PCDH15: variants seen among roughly 807,000 people sequenced by gnomAD.
PCDH15 encodes protocadherin related 15, also known as protocadherin-15.
In PCDH15, 129 loss-of-function variants were observed where a neutral mutation model predicts 178.5. The ratio of observed to expected loss-of-function variants is 0.72; its 90% CI spans 0.63 to 0.84. PCDH15 has a LOEUF of 0.84. Ranked by LOEUF, PCDH15 falls within the 40% of genes least tolerant of loss-of-function variation. The pLI is 0.00. For synonymous variants in PCDH15, 800 were observed against 732.0 expected, an observed-to-expected ratio of 1.09 and a Z score of -1.50; for missense variants, 2,230 against 2,099.9, an observed-to-expected ratio of 1.06 and a Z score of -1.21.
chr10:54,079,317 G>A lies in PCDH15; in HGVS notation c.2091+14C>T, dbSNP rs1326899760. On this transcript the variant is annotated intron_variant, in intron 17 of 37. Coordinates refer to ENST00000644397, the MANE Select transcript of PCDH15 (RefSeq NM_001384140.1). ...ATACTATTTTTAAAACCCCTTCACAGGGAGCATACTCACCCCATCTGGCCT... is the reference window on the plus strand; with the variant it reads ...ATACTATTTTTAAAACCCCTTCACAAGGAGCATACTCACCCCATCTGGCCT... 21 of 1,611,656 alleles carry A rather than the reference G, an allele frequency of 1.3e-5. No individual in the cohort carries two copies. Among genetic ancestry groups the A allele is most frequent in the South Asian group, 1.2e-4 (11 of 91,030 alleles).
intron 3 of PCDH15, among the ~76,000 whole-genome samples, chr10:54,893,835 A>G (rs1954505021): frequency 6.6e-6 from 1 of 152,106 alleles, no homozygotes; most frequent in South Asian, 2.1e-4. Context: ...CTTGTTCTTC[A>G]CAGGTTCTTA....
intron 3 of PCDH15, among the ~76,000 whole-genome samples, chr10:54,467,773 T>C (rs1022738289): frequency 1.3e-5 from 2 of 151,798 alleles, no homozygotes; most frequent in African/African-American, 4.8e-5. Context: ...ATTTGGTCAA[T>C]TTGTCAGTGA....
intron 2 of PCDH15, among the ~76,000 whole-genome samples, chr10:54,656,498 G>C (rs531187904): frequency 6.6e-6 from 1 of 152,010 alleles, no homozygotes; most frequent in African/African-American, 2.4e-5. Flanking sequence ...AACTCACACA[G>C]GGGTGCCCAC....
chr10:54,892,691 T>C (rs1361205232), intron 3 of PCDH15, among the ~76,000 whole-genome samples: 2 of 150,160 alleles, frequency 1.3e-5, no homozygotes, highest in Non-Finnish European at 3.0e-5. Context: ...GAGAGATTAA[T>C]TGAAAAAAAT....
chr10:53,848,911 C>T (rs11003880), intron 28 of PCDH15, among the ~76,000 whole-genome samples: 1 of 151,658 alleles, frequency 6.6e-6, no homozygotes, highest in Non-Finnish European at 1.5e-5. Context: ...ACATATTTAT[C>T]TTTGATTTAA....
intron 21 of PCDH15, among the ~76,000 whole-genome samples, chr10:53,982,517 G>T (rs1308850303): frequency 6.6e-6 from 1 of 152,046 alleles, no homozygotes; most frequent in African/African-American, 2.4e-5. Context: ...CATGTCCTTT[G>T]TAGGGACATG....
At chr10:55,356,409 A>G (rs901892864) in intron 2 of PCDH15, among the ~76,000 whole-genome samples, 4 of 151,850 alleles carry the variant, frequency 2.6e-5, no homozygotes, top group Non-Finnish European at 5.9e-5. Context: ...AGTGGTTATG[A>G]CTTGCCACTG....
At chr10:54,931,858 T>C (rs1318568716) in intron 2 of PCDH15, among the ~76,000 whole-genome samples, 1 of 152,214 alleles carries the variant, frequency 6.6e-6, no homozygotes, top group Non-Finnish European at 1.5e-5. Flanking sequence ...CAGAGAGGCT[T>C]AGTGCATTGT....
chr10:54,296,681 A>T (rs1007122397), intron 8 of PCDH15, among the ~76,000 whole-genome samples: 7 of 152,170 alleles, frequency 4.6e-5, no homozygotes, highest in African/African-American at 1.7e-4. Flanking sequence ...AGACTATCTT[A>T]TCTGGAATTT....
intron 1 of PCDH15, among the ~76,000 whole-genome samples, chr10:54,723,481 G>A (rs1405689507): frequency 6.6e-6 from 1 of 151,756 alleles, no homozygotes; most frequent in Non-Finnish European, 1.5e-5. Context: ...CTGGACATTT[G>A]CCTTAGCAAA....
intron 2 of PCDH15, among the ~76,000 whole-genome samples, chr10:54,596,334 A>C (rs1372924123): frequency 6.6e-6 from 1 of 152,186 alleles, no homozygotes; most frequent in East Asian, 1.9e-4. Flanking sequence ...AAGAAATTCC[A>C]GCCAAAGAAA....
At chr10:55,364,196 AGT>A (rs1845298106) in intron 2 of PCDH15, among the ~76,000 whole-genome samples, 1 of 152,042 alleles carries the variant, frequency 6.6e-6, no homozygotes, top group Non-Finnish European at 1.5e-5. Context: ...CATGATTGTA[AGT>A]TTCCTGAGGC....
chr10:54,466,977 G>A (rs2077561212), intron 3 of PCDH15, among the ~76,000 whole-genome samples: 1 of 151,690 alleles, frequency 6.6e-6, no homozygotes, highest in Non-Finnish European at 1.5e-5. Flanking sequence ...TGGTATATAT[G>A]AACACCGATT....
chr10:54,332,906 C>T (rs1170047707), intron 6 of PCDH15, among the ~76,000 whole-genome samples: 2 of 151,820 alleles, frequency 1.3e-5, no homozygotes, highest in African/African-American at 2.4e-5. Context: ...TTTATAGATT[C>T]TTAGATTTTA....
intron 20 of PCDH15, among the ~76,000 whole-genome samples, chr10:54,012,564 C>T (rs922298940): frequency 1.3e-5 from 2 of 152,034 alleles, no homozygotes; most frequent in Admixed American, 6.5e-5. Flanking sequence ...AGGAAACCTA[C>T]AAAGAGAACC....
intron 2 of PCDH15, among the ~76,000 whole-genome samples, chr10:55,460,783 A>T (rs530364350): frequency 6.6e-6 from 1 of 152,032 alleles, no homozygotes; most frequent in Non-Finnish European, 1.5e-5. Context: ...TATGCCAGAC[A>T]TTGTATATTT....
rs534153073 is a variant in PCDH15 at position 55,130,606 on chromosome 10, ATAAT to A, written c.-80+35966_-80+35969del. On this transcript the variant is annotated intron_variant, in intron 2 of 5. Coordinates refer to the PCDH15 transcript ENST00000458638. ...ATGTCTACTCATAGGTAAGGTGGAA[ATAAT>A]TAAAGTAACAAACCCTTTGTTTGTT... 3.5e-3 allele frequency among the ~76,000 whole-genome samples: 526 copies of A among 152,170 alleles called. 16 individuals are homozygous for A. The highest frequency in any genetic ancestry group is 1.4e-3 in the Non-Finnish European group (95 of 68,010).
chr10:54,883,450 A>C (rs1954298922), intron 3 of PCDH15, among the ~76,000 whole-genome samples: 1 of 151,958 alleles, frequency 6.6e-6, no homozygotes, highest in South Asian at 2.1e-4. Context: ...CTAAAATCTA[A>C]TTTAGTTCAG....
intron 21 of PCDH15, among the ~76,000 whole-genome samples, chr10:53,981,035 T>G (rs1427602792): frequency 6.6e-6 from 1 of 152,194 alleles, no homozygotes; most frequent in African/African-American, 2.4e-5. Flanking sequence ...AGTATGGATA[T>G]TTACTCATAT....
Sources: gnomAD v4.1 joint callset for allele counts (sites outside exome capture counted in the v4.1 genomes callset) on GRCh38, gnomAD v4.1.1 for gene constraint, MANE v1.5 for transcripts, NCBI Gene and HGNC (gene_info 2026-07-23, HGNC 2026-07-21) for gene names.